PCDH9: variants seen among roughly 807,000 people sequenced by gnomAD.
The protein encoded by PCDH9 is protocadherin 9.
In PCDH9, 24 loss-of-function variants were observed where a neutral mutation model predicts 70.6. That is an observed-to-expected ratio of 0.34 (90% confidence interval 0.25 to 0.48). The LOEUF (loss-of-function observed/expected upper bound fraction) is 0.48, where lower values mean the gene tolerates loss of function less well. Ranked by LOEUF, PCDH9 falls within the 20% of genes least tolerant of loss-of-function variation. PCDH9 has a pLI of 0.99. For synonymous variants in PCDH9, 562 were observed against 558.5 expected (o/e 1.01, Z -0.09); for missense variants, 1,281 against 1,503.6 (o/e 0.85, Z 2.45).
intron 4 of PCDH9, among the ~76,000 whole-genome samples, chr13:66,515,912 G>T (rs534081553): frequency 6.6e-6 from 1 of 152,056 alleles, no homozygotes; most frequent in South Asian, 2.1e-4. Flanking sequence ...CACCTGAATT[G>T]CTTTTTGTGT....
At chr13:66,780,715 A>G (rs971513089) in intron 3 of PCDH9, among the ~76,000 whole-genome samples, 2 of 152,176 alleles carry the variant, frequency 1.3e-5, no homozygotes, top group African/African-American at 2.4e-5. Context: ...ATATGTATAT[A>G]AAACTTATAC....
chr13:66,611,801 C>T (rs2077296399), intron 4 of PCDH9, among the ~76,000 whole-genome samples: 1 of 152,122 alleles, frequency 6.6e-6, no homozygotes, highest in South Asian at 2.1e-4. Flanking sequence ...TTCATAATAA[C>T]AGCTAACATA....
chr13:66,460,544 T>C (rs1211279956), intron 4 of PCDH9, among the ~76,000 whole-genome samples: 1 of 151,900 alleles, frequency 6.6e-6, no homozygotes, highest in Non-Finnish European at 1.5e-5. Context: ...ATAAGTACAA[T>C]TTATAAAATC....
chr13:66,411,479 G>A (rs1957368454), intron 4 of PCDH9, among the ~76,000 whole-genome samples: 1 of 151,902 alleles, frequency 6.6e-6, no homozygotes, highest in Admixed American at 6.6e-5. Context: ...TTAGATATGG[G>A]GTCTCACAAT....
At chr13:66,628,638 C>A (rs138268430) in intron 4 of PCDH9, among the ~76,000 whole-genome samples, 2 of 152,162 alleles carry the variant, frequency 1.3e-5, no homozygotes, top group African/African-American at 4.8e-5. Flanking sequence ...GTAACTGGGA[C>A]TACAAGCATG....
At chr13:66,994,649 A>G (rs923795342) in intron 2 of PCDH9, among the ~76,000 whole-genome samples, 2 of 152,228 alleles carry the variant, frequency 1.3e-5, no homozygotes, top group East Asian at 3.9e-4. Context: ...CAGAGGCTAG[A>G]TGGCTGGGGA....
intron 2 of PCDH9, chr13:67,221,434 A>C (rs1284286855): frequency 6.6e-6 from 1 of 152,132 alleles, no homozygotes; most frequent in Non-Finnish European, 1.5e-5. Flanking sequence ...TATACACTTA[A>C]GTACAGCACG....
At chr13:66,577,365 A>G (rs998351279) in intron 4 of PCDH9, among the ~76,000 whole-genome samples, 1 of 151,986 alleles carries the variant, frequency 6.6e-6, no homozygotes, top group East Asian at 1.9e-4. Context: ...TATAAAGTAA[A>G]TAATAGAATC....
At chr13:66,731,941 CA>C (rs1318683568) in intron 3 of PCDH9, among the ~76,000 whole-genome samples, 1 of 151,660 alleles carries the variant, frequency 6.6e-6, no homozygotes, top group African/African-American at 2.4e-5. Context: ...TTTTGTGGAC[CA>C]TAAGAACCTC....
intron 2 of PCDH9, among the ~76,000 whole-genome samples, chr13:67,108,917 T>C (rs1260772720): frequency 2.0e-5 from 3 of 152,154 alleles, no homozygotes; most frequent in Non-Finnish European, 4.4e-5. Context: ...CACCAAAATA[T>C]TTTAGCATGA....
At chr13:66,795,676 G>C (rs1270298657) in intron 3 of PCDH9, among the ~76,000 whole-genome samples, 2 of 152,066 alleles carry the variant, frequency 1.3e-5, no homozygotes, top group African/African-American at 4.8e-5. Context: ...AGGGTGTTCT[G>C]TTTACTCATT....
At chr13:66,974,902 C>T (rs1566332604) in intron 2 of PCDH9, among the ~76,000 whole-genome samples, 1 of 152,002 alleles carries the variant, frequency 6.6e-6, no homozygotes, top group Non-Finnish European at 1.5e-5. Flanking sequence ...AGTGTTATGA[C>T]ATAACCTGGT....
At chr13:66,466,131 A>T (rs375193756) in intron 4 of PCDH9, among the ~76,000 whole-genome samples, 1 of 151,972 alleles carries the variant, frequency 6.6e-6, no homozygotes, top group Non-Finnish European at 1.5e-5. Context: ...TTTCAAAATC[A>T]GTTCAATTCC....
chr13:66,606,912 G>A (rs1195145551), intron 4 of PCDH9, among the ~76,000 whole-genome samples: 2 of 152,030 alleles, frequency 1.3e-5, no homozygotes, highest in Non-Finnish European at 2.9e-5. Flanking sequence ...GCACATTTAT[G>A]TTCAAGTCAT....
chr13:66,818,121 A>G (rs2080641186), intron 3 of PCDH9, among the ~76,000 whole-genome samples: 1 of 152,194 alleles, frequency 6.6e-6, no homozygotes, highest in Non-Finnish European at 1.5e-5. Flanking sequence ...ATTTTAGGAC[A>G]AATTTTTTAT....
intron 3 of PCDH9, among the ~76,000 whole-genome samples, chr13:66,896,201 GA>G (rs1438698492): frequency 6.6e-6 from 1 of 151,998 alleles, no homozygotes; most frequent in Non-Finnish European, 1.5e-5. Flanking sequence ...TTAAGTAATT[GA>G]AAAAAATACT....
rs139139398 is a variant in PCDH9 at position 66,357,348 on chromosome 13, GAT to G, written c.3341-52322_3341-52321del. On this transcript the variant is annotated intron_variant, in intron 4 of 4. Coordinates refer to ENST00000377865, the MANE Select transcript of PCDH9 (RefSeq NM_203487.3). ...TACATGGTTGAAATCAGATATTCAG[GAT>G]CAATGAATTTCTTCAGGGTAACATC... Among the ~76,000 whole-genome samples the G allele has an allele frequency of 4.9e-3, 747 of 152,104 alleles. 9 individuals carry two copies. The highest frequency in any genetic ancestry group is 0.017 in the African/African-American group (692 of 41,514).
At chr13:67,127,345 G>A (rs1462633181) in intron 2 of PCDH9, among the ~76,000 whole-genome samples, 2 of 152,122 alleles carry the variant, frequency 1.3e-5, no homozygotes, top group African/African-American at 4.8e-5. Context: ...AGACGCCTAT[G>A]TCCTTTAATC....
At chr13:66,861,685 G>C (rs1426746197) in intron 3 of PCDH9, among the ~76,000 whole-genome samples, 1 of 152,062 alleles carries the variant, frequency 6.6e-6, no homozygotes, top group Non-Finnish European at 1.5e-5. Context: ...GGGCCATGTT[G>C]CTTCCATTAC....
Sources: gnomAD v4.1 joint callset for allele counts (sites outside exome capture counted in the v4.1 genomes callset) on GRCh38, gnomAD v4.1.1 for gene constraint, MANE v1.5 for transcripts, NCBI Gene and HGNC (gene_info 2026-07-23, HGNC 2026-07-21) for gene names.